The following ACP6 variants were observed in gnomAD, a reference collection of about 807,000 sequenced individuals.
ACP6 encodes acid phosphatase 6, lysophosphatidic, also known as lysophosphatidic acid phosphatase type 6.
ACP6 carries 48 observed loss-of-function variants against 48.1 expected under a neutral mutation model. That is an observed-to-expected ratio of 1.00 (90% CI 0.79 to 1.27). The LOEUF (loss-of-function observed/expected upper bound fraction) is 1.27. ACP6 is among the 50% of genes most tolerant of loss of function. ACP6 has a pLI of 0.00. For missense variants in ACP6, 485 were observed against 529.1 expected, an observed-to-expected ratio of 0.92 and a Z score of 0.82; for synonymous variants, 172 against 204.2, an observed-to-expected ratio of 0.84 and a Z score of 1.34.
chr1:147,652,828 G>GT (rs1553210834), intron 6 of ACP6, among the ~76,000 whole-genome samples: 2 of 276 alleles, frequency 7.2e-3, no homozygotes, highest in African/African-American at 0.024. Context: ...CATTTTTGTT[G>GT]TTTTTTTGGT....
intron 6 of ACP6, among the ~76,000 whole-genome samples, chr1:147,653,290 C>A (rs7524226): frequency 0.027 from 4,146 of 151,860 alleles, 195 homozygotes; most frequent in African/African-American, 0.095. Context: ...ACCACCACAC[C>A]CGGCTAAATT....
At chr1:147,666,716 G>A (rs1339359059) in intron 1 of ACP6, among the ~76,000 whole-genome samples, 6 of 152,090 alleles carry the variant, frequency 3.9e-5, no homozygotes, top group Non-Finnish European at 7.3e-5. Flanking sequence ...AGAATCCTTC[G>A]GAGGGAGACC....
intron 7 of ACP6, chr1:147,652,117 G>T: frequency 4.2e-6 from 1 of 238,970 alleles, no homozygotes. Flanking sequence ...ATTGTAACAT[G>T]ATGACTAAAG....
chr1:147,631,038 T>C (rs1277838078), exon 6 of ACP6: 1 of 152,238 alleles, frequency 6.6e-6, no homozygotes, highest in Non-Finnish European at 1.5e-5. Context: ...ATTTTCTTCA[T>C]TCCTGTTATG....
intron 5 of ACP6, among the ~76,000 whole-genome samples, chr1:147,636,003 A>T (rs1553207953): frequency 6.6e-6 from 1 of 152,230 alleles, no homozygotes; most frequent in Non-Finnish European, 1.5e-5. Flanking sequence ...GTGGCTTTCA[A>T]GAAATAGGAG....
Position 147,654,235 on chromosome 1 carries a change from CT to C in ACP6, c.738del (p.Val247TrpfsTer24). 1 of 1,614,200 alleles carries C rather than the reference CT, an allele frequency of 6.2e-7. No individual in the cohort carries two copies. Among genetic ancestry groups the C allele is most frequent in the Non-Finnish European group, 8.5e-7 (1 of 1,180,032 alleles). On this transcript the variant is annotated frameshift_variant, in exon 6 of 10. Coordinates refer to ENST00000583509, the MANE Select transcript of ACP6 (RefSeq NM_016361.5). LOFTEE classifies it high-confidence loss of function. ...TTGTCCAGGAGGATGAAGAAGTCCA[CT>C]TTATCACTACTGTCAATGCCCATCC... ...KDRMGIDSSD[K>X]VDFFILLDNV...
intron 1 of ACP6, among the ~76,000 whole-genome samples, chr1:147,660,681 G>T (rs894934218): frequency 2.4e-4 from 37 of 152,058 alleles, no homozygotes; most frequent in Admixed American, 1.2e-3. Flanking sequence ...CCTTTCACCT[G>T]CACAATCCAT....
chr1:147,633,511 T>TTC (rs1443506566), intron 5 of ACP6, among the ~76,000 whole-genome samples: 1 of 151,570 alleles, frequency 6.6e-6, no homozygotes, highest in Non-Finnish European at 1.5e-5. Flanking sequence ...AAGTTTCTTT[T>TTC]TTTTTTTTTA....
Position 147,659,475 on chromosome 1 carries a change from C to T in ACP6, c.400G>A (p.Ala134Thr). The change falls in exon 3 of 10, where the codon GCC becomes ACC. Residue 134 changes from alanine (A) to threonine (T), a missense_variant. By Grantham distance (58) the Ala-to-Thr change is moderately conservative. Coordinates refer to ENST00000583509, the MANE Select transcript of ACP6 (RefSeq NM_016361.5). ...TTCTTCCTCAGTCTCTCTCCCAAGG[C>T]AAACATTTGCTGCATGCCCACCTTG... ...LTKVGMQQMF[A>T]LGERLRKNYV... is the part of the protein sequence containing the mutation. The T allele has an allele frequency of 2.5e-6, 4 of 1,614,228 alleles. No individual in the cohort carries two copies. Among genetic ancestry groups the T allele is most frequent in the Non-Finnish European group, 3.4e-6 (4 of 1,180,048 alleles).
downstream of ACP6, among the ~76,000 whole-genome samples, chr1:147,637,282 T>G (rs998159541): frequency 6.6e-6 from 1 of 152,214 alleles, no homozygotes; most frequent in Admixed American, 6.5e-5. Context: ...CTTTGCCTAA[T>G]GCCAGTGTAA....
chr1:147,659,065 A>G (rs200902719), intron 3 of ACP6, 26 bp from the exon 4 acceptor site: 7 of 1,585,862 alleles, frequency 4.4e-6, no homozygotes, highest in Non-Finnish European at 4.3e-6. Flanking sequence ...AAATAGTGAC[A>G]CTCATAAAAG....
chr1:147,660,088 G>A (rs1660469054), intron 1 of ACP6, among the ~76,000 whole-genome samples: 1 of 152,122 alleles, frequency 6.6e-6, no homozygotes. Flanking sequence ...GCGGATACGT[G>A]GTGAATGAAC....
intron 8 of ACP6, among the ~76,000 whole-genome samples, 185 bp from the exon 9 acceptor site, chr1:147,648,596 G>A (rs1368931322): frequency 6.6e-6 from 1 of 152,112 alleles, no homozygotes; most frequent in Non-Finnish European, 1.5e-5. Context: ...CACTCCCCGT[G>A]TCTTCATGAG....
chr1:147,659,261 TA>T, intron 3 of ACP6, 134 bp downstream of exon 3: 5 of 1,289,532 alleles, frequency 3.9e-6, no homozygotes, highest in Non-Finnish European at 5.4e-6. Flanking sequence ...TCCTGTGACA[TA>T]AGGGTATGCA....
At chr1:147,659,239 C>A (rs1444526998) in intron 3 of ACP6, 157 bp downstream of exon 3, 54 of 1,168,002 alleles carry the variant, frequency 4.6e-5, no homozygotes, top group Non-Finnish European at 3.7e-5. Context: ...CAGGAACGAC[C>A]TGTTCACCAG....
chr1:147,664,925 A>G (rs1289269859), intron 1 of ACP6, among the ~76,000 whole-genome samples: 1 of 152,220 alleles, frequency 6.6e-6, no homozygotes, highest in Non-Finnish European at 1.5e-5. Flanking sequence ...TTAGACAAGC[A>G]AATACCTGTA....
downstream of ACP6, among the ~76,000 whole-genome samples, chr1:147,638,408 A>G (rs1553208285): frequency 6.6e-6 from 1 of 152,188 alleles, no homozygotes; most frequent in Non-Finnish European, 1.5e-5. Flanking sequence ...CTATCTGTAG[A>G]GCCTGTGTGT....
intron 6 of ACP6, among the ~76,000 whole-genome samples, chr1:147,653,717 C>T (rs996934292): frequency 3.9e-5 from 6 of 152,036 alleles, no homozygotes; most frequent in African/African-American, 7.2e-5. Context: ...TGTTAGTCTT[C>T]TTTATGTATT....
chr1:147,637,335 T>A (rs1240987396), downstream of ACP6, among the ~76,000 whole-genome samples: 1 of 152,196 alleles, frequency 6.6e-6, no homozygotes, highest in African/African-American at 2.4e-5. Context: ...TCATCCATGG[T>A]CAGCTCTGAT....
Sources: gnomAD v4.1 joint callset for allele counts (sites outside exome capture counted in the v4.1 genomes callset) on GRCh38, gnomAD v4.1.1 for gene constraint, MANE v1.5 for transcripts, NCBI Gene and HGNC (gene_info 2026-07-23, HGNC 2026-07-21) for gene names.